MAN2A1: variants seen among roughly 807,000 people sequenced by gnomAD.
MAN2A1 encodes mannosidase alpha class 2A member 1.
Under a neutral mutation model 142.6 loss-of-function variants are expected in MAN2A1, and 76 were observed. The observed-to-expected ratio is 0.53, with a 90% confidence interval of 0.44 to 0.65. MAN2A1 has a LOEUF of 0.65. Ranked by LOEUF, MAN2A1 falls within the 30% of genes least tolerant of loss-of-function variation. MAN2A1 has a pLI of 0.00. For missense variants in MAN2A1, 1,311 were observed against 1,365.1 expected, an observed-to-expected ratio of 0.96 and a Z score of 0.62; for synonymous variants, 559 against 473.2, an observed-to-expected ratio of 1.18 and a Z score of -2.35.
chr5:109,746,972 C>G (rs1339267095), intron 4 of MAN2A1, among the ~76,000 whole-genome samples: 1 of 152,302 alleles, frequency 6.6e-6, no homozygotes, highest in African/African-American at 2.4e-5. Flanking sequence ...ACATGATATT[C>G]CCCTGTATGT....
At chr5:109,854,494 T>C (rs1461388136) in intron 19 of MAN2A1, 1 of 152,172 alleles carries the variant, frequency 6.6e-6, no homozygotes, top group African/African-American at 2.4e-5. Flanking sequence ...GGAATAAAAA[T>C]AGTGAAACAA....
chr5:109,706,243 T>C (rs564323087), intron 1 of MAN2A1, among the ~76,000 whole-genome samples: 1 of 152,288 alleles, frequency 6.6e-6, no homozygotes, highest in South Asian at 2.1e-4. Context: ...AGCCAGTAAG[T>C]AGTGGTGCCA....
chr5:109,796,288 C>T (rs1439082164), intron 12 of MAN2A1, among the ~76,000 whole-genome samples: 1 of 152,104 alleles, frequency 6.6e-6, no homozygotes, highest in African/African-American at 2.4e-5. Context: ...AAGATTATCA[C>T]ATGTTTGGTT....
At chr5:109,701,354 G>C (rs1286211053) in intron 1 of MAN2A1, among the ~76,000 whole-genome samples, 2 of 152,146 alleles carry the variant, frequency 1.3e-5, no homozygotes, top group African/African-American at 2.4e-5. Flanking sequence ...TCCTGGAGGA[G>C]ATTGGCTTGA....
chr5:109,859,875 C>CTT lies in MAN2A1; in HGVS notation c.3171+4556_3171+4557dup, dbSNP rs563606570. Among the ~76,000 whole-genome samples the CTT allele has an allele frequency of 9.4e-5, 12 of 127,536 alleles. 1 individual carries two copies. Among genetic ancestry groups the CTT allele is most frequent in the Admixed American group, 3.1e-4 (4 of 12,786 alleles). The allele number at this position is 127,536 out of a possible 152,430, so 83.7% of individuals were successfully genotyped here. On this transcript the variant is annotated intron_variant, in intron 20 of 21. Coordinates refer to ENST00000261483, the MANE Select transcript of MAN2A1 (RefSeq NM_002372.4). ...TTTAGAAATGTGATATGTAGTTCAG[C>CTT]TTTTTTTTTTTTTTTTAGATTATTT...
intron 16 of MAN2A1, among the ~76,000 whole-genome samples, chr5:109,831,079 G>T (rs1754894143): frequency 6.6e-6 from 1 of 152,206 alleles, no homozygotes; most frequent in Admixed American, 6.5e-5. Flanking sequence ...GTTCTCTTGT[G>T]TTTTATTCCC....
intron 5 of MAN2A1, among the ~76,000 whole-genome samples, chr5:109,756,983 T>A (rs1752705826): frequency 6.6e-6 from 1 of 152,220 alleles, no homozygotes; most frequent in African/African-American, 2.4e-5. Flanking sequence ...ACTTCACACA[T>A]ACTGTCACAG....
In MAN2A1 at chr5:109,781,430, C is replaced by T. The variant is rs764317245; in HGVS notation, c.1409C>T (p.Ala470Val). 39 of 1,606,756 alleles carry T rather than the reference C, an allele frequency of 2.4e-5. No individual in the cohort carries two copies. Among genetic ancestry groups the T allele is most frequent in the Non-Finnish European group, 3.0e-5 (35 of 1,177,964 alleles). ...GGAACTTTATCAGATTTTTTTGATGCGCTGGATAAAGCAGATGAAACTCAG... is the reference window on the plus strand; with the variant it reads ...GGAACTTTATCAGATTTTTTTGATGTGCTGGATAAAGCAGATGAAACTCAG... Reference protein sequence around the residue: ...QFGTLSDFFDALDKADETQRD... With the variant: ...QFGTLSDFFDVLDKADETQRD... Residue 470 changes from alanine to valine, a missense_variant, in exon 9 of 22, where the codon GCG (alanine) becomes GTG (valine). By Grantham distance (64) the Ala-to-Val change is moderately conservative. Around this residue, in one of 3 missense-constraint regions of MAN2A1, gnomAD observed 890 missense variants for 920.5 expected, o/e 0.97. Transcript: ENST00000261483.
intron 4 of MAN2A1, among the ~76,000 whole-genome samples, chr5:109,750,229 G>A (rs1752509551): frequency 6.6e-6 from 1 of 151,914 alleles, no homozygotes; most frequent in South Asian, 2.1e-4. Flanking sequence ...TGCTTATCAT[G>A]TATGTTCTAG....
chr5:109,713,470 C>A lies in MAN2A1; in HGVS notation c.136-50C>A, dbSNP rs756283890. ...AAAAAAAAAAATGTGTATGCCTCAGCAGATCTATATTAGTATTTCATATAG... is the reference window on the plus strand; with the variant it reads ...AAAAAAAAAAATGTGTATGCCTCAGAAGATCTATATTAGTATTTCATATAG... On this transcript the variant is annotated intron_variant, in intron 1 of 21. Transcript: ENST00000261483. 5.4e-6 allele frequency: 8 copies of A among 1,481,108 alleles called. No homozygotes were observed. The East Asian group carries it at 1.8e-4, about 34-fold the overall frequency. The allele number at this position is 1,481,108 out of a possible 1,614,324, so 91.7% of individuals were successfully genotyped here.
chr5:109,840,477 G>A (rs191303890), intron 16 of MAN2A1: 28 of 478,602 alleles, frequency 5.9e-5, no homozygotes, highest in Middle Eastern at 1.6e-3. Flanking sequence ...TCATCAAACC[G>A]AGAATCCAAT....
chr5:109,780,669 C>G (rs565699600), intron 8 of MAN2A1, among the ~76,000 whole-genome samples: 72 of 152,148 alleles, frequency 4.7e-4, no homozygotes, highest in Middle Eastern at 3.4e-3. Context: ...GATTTGGTAT[C>G]GTGTTTCTTT....
chr5:109,749,856 C>T (rs1462868081), intron 4 of MAN2A1, among the ~76,000 whole-genome samples: 1 of 151,898 alleles, frequency 6.6e-6, no homozygotes, highest in Non-Finnish European at 1.5e-5. Flanking sequence ...CTTGGAAGTG[C>T]CTGTATTCAT....
At chr5:109,753,937 C>T (rs931468682) in intron 4 of MAN2A1, among the ~76,000 whole-genome samples, 5 of 149,054 alleles carry the variant, frequency 3.4e-5, no homozygotes, top group Admixed American at 2.0e-4. Context: ...GACACAATGT[C>T]TCACTCTGTC....
chr5:109,842,888 C>G (rs1412886468), intron 17 of MAN2A1, among the ~76,000 whole-genome samples: 2 of 146,526 alleles, frequency 1.4e-5, no homozygotes, highest in Admixed American at 1.4e-4. Context: ...TCACTGCAGC[C>G]TCTTACTCCC....
intron 4 of MAN2A1, among the ~76,000 whole-genome samples, chr5:109,742,699 A>G (rs1752301782): frequency 6.6e-6 from 1 of 152,194 alleles, no homozygotes; most frequent in Non-Finnish European, 1.5e-5. Context: ...TTATAGAGCA[A>G]TGGGAAGTTA....
At chr5:109,846,721 T>G (rs1225498796) in intron 18 of MAN2A1, among the ~76,000 whole-genome samples, 2 of 152,190 alleles carry the variant, frequency 1.3e-5, no homozygotes, top group African/African-American at 4.8e-5. Context: ...TGGTGTGTCC[T>G]TTGACACAAG....
chr5:109,763,208 C>T (rs374009646), intron 5 of MAN2A1, among the ~76,000 whole-genome samples: 15 of 152,224 alleles, frequency 9.9e-5, no homozygotes, highest in African/African-American at 3.4e-4. Context: ...TTGATGTGGT[C>T]TTTTGGGGTG....
chr5:109,720,658 A>G (rs960741608), intron 3 of MAN2A1, among the ~76,000 whole-genome samples: 4 of 152,184 alleles, frequency 2.6e-5, no homozygotes, highest in Non-Finnish European at 4.4e-5. Context: ...AAATACACTA[A>G]CAATAGGTGA....
Sources: gnomAD v4.1 joint callset for allele counts (sites outside exome capture counted in the v4.1 genomes callset) on GRCh38, gnomAD v4.1.1 for gene constraint, gnomAD v4.1.1 regional missense constraint, MANE v1.5 for transcripts, NCBI Gene and HGNC (gene_info 2026-07-23, HGNC 2026-07-21) for gene names.